CTNNA3: variants seen among roughly 807,000 people sequenced by gnomAD.
CTNNA3 encodes the protein catenin alpha-3.
A neutral mutation model predicts 95.7 loss-of-function variants in CTNNA3; 76 were observed. The ratio of observed to expected loss-of-function variants is 0.79; its 90% CI spans 0.66 to 0.96. CTNNA3 has a LOEUF of 0.96. CTNNA3 is among the 40% of genes least tolerant of loss of function. The probability of loss-of-function intolerance (pLI) is 0.00; values close to 1 mark genes in which losing one functional copy is unlikely to be tolerated. For synonymous variants in CTNNA3, 431 were observed against 374.4 expected (o/e 1.15, Z -1.74); for missense variants, 1,191 against 1,089.8 (o/e 1.09, Z -1.31).
In CTNNA3 at chr10:66,574,884, T is replaced by C. The variant is rs562716616; in HGVS notation, c.1374+46808A>G. On this transcript the variant is annotated intron_variant, in intron 10 of 17. Coordinates refer to ENST00000433211, the MANE Select transcript of CTNNA3 (RefSeq NM_013266.4). ...CTGGAGTCTATATTAACTGCATCCATTCTTTTAATGTTGGCCATCTTGTAT... is the reference window on the plus strand; with the variant it reads ...CTGGAGTCTATATTAACTGCATCCACTCTTTTAATGTTGGCCATCTTGTAT... Among the ~76,000 whole-genome samples, 5 of 152,262 alleles carry C rather than the reference T, an allele frequency of 3.3e-5. No individual in the cohort carries two copies. The South Asian group carries it at 1.0e-3, about 32-fold the overall frequency.
chr10:65,971,106 GAAAT>G (rs1269024713), intron 16 of CTNNA3, among the ~76,000 whole-genome samples: 1 of 150,854 alleles, frequency 6.6e-6, no homozygotes, highest in Non-Finnish European at 1.5e-5. Flanking sequence ...AAAATTCTTT[GAAAT>G]AAATAAAAAT....
At chr10:66,029,887 A>G (rs1383223972) in intron 15 of CTNNA3, among the ~76,000 whole-genome samples, 1 of 152,194 alleles carries the variant, frequency 6.6e-6, no homozygotes, top group Non-Finnish European at 1.5e-5. Flanking sequence ...AGAAAATGTA[A>G]TCTTTGCACA....
intron 17 of CTNNA3, among the ~76,000 whole-genome samples, chr10:65,942,616 A>G (rs1228776446): frequency 6.6e-6 from 1 of 152,212 alleles, no homozygotes; most frequent in Non-Finnish European, 1.5e-5. Flanking sequence ...TTATCAATAT[A>G]TCTTCTGACC....
chr10:66,715,744 G>A (rs71493999), intron 9 of CTNNA3, among the ~76,000 whole-genome samples: 4,934 of 151,924 alleles, frequency 0.032, 211 homozygotes, highest in East Asian at 0.22. Flanking sequence ...ACACACATGT[G>A]TTCCATAAAA....
intron 17 of CTNNA3, among the ~76,000 whole-genome samples, chr10:65,945,160 G>GTGTA (rs770163166): frequency 4.1e-4 from 60 of 146,170 alleles, no homozygotes; most frequent in South Asian, 1.0e-3. Context: ...GTGTGTGTGT[G>GTGTA]TATATATATA....
intron 15 of CTNNA3, among the ~76,000 whole-genome samples, chr10:66,045,279 C>T (rs972151385): frequency 1.3e-5 from 2 of 152,154 alleles, no homozygotes; most frequent in Non-Finnish European, 2.9e-5. Context: ...GAGGAAATGA[C>T]ATTTGCTTCC....
intron 17 of CTNNA3, among the ~76,000 whole-genome samples, chr10:65,959,285 A>G (rs1026122059): frequency 7.9e-5 from 12 of 152,082 alleles, no homozygotes; most frequent in Admixed American, 4.6e-4. Context: ...TCCAGTTACC[A>G]TCTGTCACAT....
chr10:67,068,712 A>G (rs1457567514), intron 7 of CTNNA3, among the ~76,000 whole-genome samples: 1 of 152,214 alleles, frequency 6.6e-6, no homozygotes, highest in Non-Finnish European at 1.5e-5. Context: ...ATGTTAGAAA[A>G]AGACTAAAAT....
intron 10 of CTNNA3, among the ~76,000 whole-genome samples, chr10:66,582,478 C>T (rs565609028): frequency 6.6e-6 from 1 of 151,728 alleles, no homozygotes; most frequent in Admixed American, 6.6e-5. Flanking sequence ...CTGATTTATG[C>T]ACACTGGTTT....
chr10:67,351,481 G>A (rs1314255150), intron 5 of CTNNA3, among the ~76,000 whole-genome samples: 1 of 151,764 alleles, frequency 6.6e-6, no homozygotes, highest in Non-Finnish European at 1.5e-5. Flanking sequence ...CTACAAAAAA[G>A]ATAATGTAAC....
intron 11 of CTNNA3, among the ~76,000 whole-genome samples, chr10:66,513,173 T>A (rs1840722234): frequency 1.3e-5 from 2 of 152,314 alleles, no homozygotes; most frequent in African/African-American, 4.8e-5. Flanking sequence ...ATATCCCATA[T>A]GTCATGTAAA....
chr10:66,196,935 C>T (rs1201999538), intron 13 of CTNNA3, among the ~76,000 whole-genome samples: 1 of 152,290 alleles, frequency 6.6e-6, no homozygotes, highest in African/African-American at 2.4e-5. Context: ...TAAATCAGAG[C>T]AGGCTCATGA....
At chr10:66,156,521 A>G (rs558257944) in intron 13 of CTNNA3, among the ~76,000 whole-genome samples, 1 of 152,098 alleles carries the variant, frequency 6.6e-6, no homozygotes, top group African/African-American at 2.4e-5. Context: ...GCTAGGAAAT[A>G]AGCAGTGAGC....
At chr10:66,565,960 T>C (rs993855723) in intron 10 of CTNNA3, among the ~76,000 whole-genome samples, 1 of 152,110 alleles carries the variant, frequency 6.6e-6, no homozygotes, top group African/African-American at 2.4e-5. Context: ...GGAAATGAGG[T>C]AAATAAATGT....
chr10:66,503,749 G>A (rs1840356077), intron 11 of CTNNA3, among the ~76,000 whole-genome samples: 2 of 152,114 alleles, frequency 1.3e-5, no homozygotes, highest in African/African-American at 4.8e-5. Flanking sequence ...TTACAGGAGT[G>A]AGCCATTGCG....
At position 67,155,105 on chromosome 10, in the gene CTNNA3, A is replaced by G. The variant is rs138693682; in HGVS notation, c.1047+25212T>C. ...ATTTAGAGGACTACTGTTTATGTCT[A>G]TGTTACCAGTAGGCTGTTGGCTTCC... On this transcript the variant is annotated intron_variant, in intron 7 of 17. Coordinates refer to ENST00000433211, the MANE Select transcript of CTNNA3 (RefSeq NM_013266.4). Among the ~76,000 whole-genome samples, 392 of 152,270 alleles carry G rather than the reference A, an allele frequency of 2.6e-3. 8 individuals carry two copies. Among genetic ancestry groups the G allele is most frequent in the Admixed American group, 0.023 (351 of 15,282 alleles).
At chr10:66,533,336 T>C (rs1333109733) in intron 10 of CTNNA3, among the ~76,000 whole-genome samples, 1 of 152,108 alleles carries the variant, frequency 6.6e-6, no homozygotes, top group East Asian at 1.9e-4. Flanking sequence ...CTTTATTAAA[T>C]CTAGGTCAGT....
chr10:66,830,177 A>G (rs567092694), intron 7 of CTNNA3, among the ~76,000 whole-genome samples: 1 of 152,316 alleles, frequency 6.6e-6, no homozygotes, highest in East Asian at 1.9e-4. Context: ...TCTCATGTCT[A>G]TAAGCAGGTA....
At chr10:66,335,726 G>T (rs553001366) in intron 12 of CTNNA3, among the ~76,000 whole-genome samples, 1 of 152,120 alleles carries the variant, frequency 6.6e-6, no homozygotes, top group Non-Finnish European at 1.5e-5. Flanking sequence ...CTCCAGCTGC[G>T]TGCTGGGAGA....
Sources: gnomAD v4.1 joint callset for allele counts (sites outside exome capture counted in the v4.1 genomes callset) on GRCh38, gnomAD v4.1.1 for gene constraint, MANE v1.5 for transcripts, NCBI Gene and HGNC (gene_info 2026-07-23, HGNC 2026-07-21) for gene names.